Variants in MRPS27 observed in about 807,000 individuals in gnomAD.
The protein encoded by MRPS27 is small ribosomal subunit protein mS27.
In MRPS27, 43 loss-of-function variants were observed where a neutral mutation model predicts 48.9. That is an observed-to-expected ratio of 0.88 (90% CI 0.69 to 1.13). The LOEUF is 1.13. Ranked by LOEUF, MRPS27 falls within the 50% of genes most tolerant of loss-of-function variation. The pLI, the probability that MRPS27 is intolerant of heterozygous loss-of-function variation, is 0.00. For synonymous variants in MRPS27, 188 were observed against 171.9 expected (o/e 1.09, Z -0.73); for missense variants, 467 against 476.3 (o/e 0.98, Z 0.18).
intron 4 of MRPS27, among the ~76,000 whole-genome samples, chr5:72,243,893 GAC>G (rs1162516698): frequency 6.6e-6 from 1 of 152,146 alleles, no homozygotes; most frequent in Non-Finnish European, 1.5e-5. Context: ...GCATAATCAT[GAC>G]CACAATCAAG....
chr5:72,296,616 CATGT>C (rs1749989162), intron 3 of MRPS27, among the ~76,000 whole-genome samples: 1 of 152,180 alleles, frequency 6.6e-6, no homozygotes, highest in Admixed American at 6.5e-5. Flanking sequence ...TTTTACCCAT[CATGT>C]AAGGGACGAA....
At chr5:72,272,967 T>C (rs542751106) in intron 4 of MRPS27, among the ~76,000 whole-genome samples, 21 of 152,318 alleles carry the variant, frequency 1.4e-4, no homozygotes, top group African/African-American at 1.9e-4. Context: ...GTTTAAAATT[T>C]TCTATAATAA....
chr5:72,240,272 C>T lies in MRPS27; in HGVS notation c.282-2144G>A, dbSNP rs184026242. Among the ~76,000 whole-genome samples the T allele has an allele frequency of 3.8e-3, 571 of 152,210 alleles. 1 individual carries two copies. Among genetic ancestry groups the T allele is most frequent in the African/African-American group, 0.013 (552 of 41,526 alleles). Reference sequence around the variant, plus strand: ...GGCATTTAGAGTCTCATTACAAAAACGATGCACACATAATTTAATAATAAT... The same window carrying T: ...GGCATTTAGAGTCTCATTACAAAAATGATGCACACATAATTTAATAATAAT... On this transcript the variant is annotated intron_variant, in intron 4 of 10. Coordinates refer to ENST00000261413, the MANE Select transcript of MRPS27 (RefSeq NM_015084.3).
At chr5:72,299,055 G>C (rs895003018) in intron 2 of MRPS27, among the ~76,000 whole-genome samples, 3 of 152,102 alleles carry the variant, frequency 2.0e-5, no homozygotes, top group Admixed American at 2.0e-4. Context: ...ATTTACAAGT[G>C]GGTGGTAAGC....
intron 4 of MRPS27, among the ~76,000 whole-genome samples, chr5:72,246,153 C>A (rs1029492883): frequency 6.6e-6 from 1 of 152,164 alleles, no homozygotes; most frequent in African/African-American, 2.4e-5. Flanking sequence ...AGTGACTCGG[C>A]CTGCTAAGAC....
chr5:72,252,599 GT>G (rs1748697924), intron 4 of MRPS27, among the ~76,000 whole-genome samples: 1 of 152,164 alleles, frequency 6.6e-6, no homozygotes, highest in Non-Finnish European at 1.5e-5. Context: ...AACACAGGTG[GT>G]TTTCCCTATA....
At chr5:72,301,751 G>C (rs753562490) in intron 2 of MRPS27, among the ~76,000 whole-genome samples, 6 of 152,276 alleles carry the variant, frequency 3.9e-5, no homozygotes, top group Non-Finnish European at 7.3e-5. Flanking sequence ...TTCCAAGTCA[G>C]AGAAAGGTTT....
Position 72,295,561 on chromosome 5 carries a change from T to C in MRPS27, c.251A>G (p.Glu84Gly). 6.2e-7 allele frequency: 1 copy of C among 1,611,180 alleles called. No homozygotes were observed. Among genetic ancestry groups the C allele is most frequent in the South Asian group, 1.1e-5 (1 of 90,974 alleles). Reference protein sequence around the residue: ...RLIDNISSREEIDHAEYYLYK... With the variant: ...RLIDNISSREGIDHAEYYLYK... ...AAGGTAATACTCTGCATGATCTATC[T>C]CTTCCCGAGAGGAAATGTTGTCTAT... The change falls in exon 4 of 11, where the codon GAG becomes GGG. Residue 84 changes from glutamate (E) to glycine (G), a missense_variant. Physicochemically the swap from Glu to Gly is moderately conservative, Grantham distance 98. Coordinates refer to ENST00000261413, the MANE Select transcript of MRPS27 (RefSeq NM_015084.3).
At chr5:72,225,390 G>A (rs1021981208) in intron 9 of MRPS27, among the ~76,000 whole-genome samples, 1 of 152,134 alleles carries the variant, frequency 6.6e-6, no homozygotes, top group African/African-American at 2.4e-5. Flanking sequence ...ACTCACACTG[G>A]CTGTAAAAGC....
At chr5:72,280,187 G>A (rs879731607) in intron 4 of MRPS27, among the ~76,000 whole-genome samples, 2 of 152,102 alleles carry the variant, frequency 1.3e-5, no homozygotes, top group African/African-American at 4.8e-5. Flanking sequence ...TCTTAAAACT[G>A]TCTTAGCTAT....
At chr5:72,283,369 T>C (rs568590160) in intron 4 of MRPS27, among the ~76,000 whole-genome samples, 1 of 152,340 alleles carries the variant, frequency 6.6e-6, no homozygotes, top group African/African-American at 2.4e-5. Context: ...TATCTTTTGG[T>C]ATATTACTGA....
intron 4 of MRPS27, among the ~76,000 whole-genome samples, chr5:72,292,848 A>G (rs1749866287): frequency 6.6e-6 from 1 of 152,232 alleles, no homozygotes; most frequent in Non-Finnish European, 1.5e-5. Context: ...GTACTGCTTA[A>G]GGACTGAGAA....
chr5:72,293,433 T>C (rs145649452), intron 4 of MRPS27, among the ~76,000 whole-genome samples: 1 of 152,320 alleles, frequency 6.6e-6, no homozygotes, highest in East Asian at 1.9e-4. Flanking sequence ...AATTAAACAG[T>C]GGCTCAGATT....
intron 4 of MRPS27, chr5:72,241,748 C>G (rs1245003396): frequency 1.3e-6 from 2 of 1,496,962 alleles, no homozygotes; most frequent in Admixed American, 2.0e-5. Context: ...TCCAATTTGC[C>G]TGCAAACAGA....
At chr5:72,307,006 G>A (rs1329881097) in intron 2 of MRPS27, among the ~76,000 whole-genome samples, 2 of 152,020 alleles carry the variant, frequency 1.3e-5, no homozygotes, top group Non-Finnish European at 2.9e-5. Flanking sequence ...ATTATACGAG[G>A]CTTTATTTGA....
intron 2 of MRPS27, among the ~76,000 whole-genome samples, chr5:72,305,413 CA>C (rs1184097331): frequency 6.6e-6 from 1 of 152,120 alleles, no homozygotes; most frequent in Non-Finnish European, 1.5e-5. Flanking sequence ...AATGACACAG[CA>C]AAACTAAATC....
chr5:72,279,629 C>A (rs572867053), intron 4 of MRPS27, among the ~76,000 whole-genome samples: 1 of 151,908 alleles, frequency 6.6e-6, no homozygotes, highest in South Asian at 2.1e-4. Context: ...ACAACAACAA[C>A]AAAAACCATT....
At chr5:72,241,979 G>C (rs1018005136) in intron 4 of MRPS27, among the ~76,000 whole-genome samples, 1 of 152,162 alleles carries the variant, frequency 6.6e-6, no homozygotes, top group East Asian at 1.9e-4. Flanking sequence ...TGCTCATGAA[G>C]GCTAAAGGTA....
intron 4 of MRPS27, among the ~76,000 whole-genome samples, chr5:72,276,903 C>T (rs1313375739): frequency 1.3e-5 from 2 of 151,936 alleles, no homozygotes; most frequent in Non-Finnish European, 1.5e-5. Flanking sequence ...TGGTGACGGG[C>T]ACCTGTAGTC....
Sources: allele counts gnomAD v4.1 joint callset (sites outside exome capture counted in the v4.1 genomes callset), GRCh38; gene constraint gnomAD v4.1.1; transcripts MANE v1.5; gene names NCBI Gene and HGNC (gene_info 2026-07-23, HGNC 2026-07-21).